CGAS: variants seen among roughly 807,000 people sequenced by gnomAD.
CGAS encodes the protein 2'3'-cGAMP synthase.
In CGAS, 31 loss-of-function variants were observed where a neutral mutation model predicts 34.0. The observed-to-expected ratio is 0.91, with a 90% CI of 0.69 to 1.23. The LOEUF (loss-of-function observed/expected upper bound fraction) is 1.23. Ranked by LOEUF, CGAS falls within the 50% of genes most tolerant of loss-of-function variation. CGAS has a pLI of 0.00. For missense variants in CGAS, 597 were observed against 657.6 expected (o/e 0.91, Z 1.01); for synonymous variants, 266 against 260.0 (o/e 1.02, Z -0.22).
In CGAS at chr6:73,435,867, C is replaced by G. The variant is rs184645479; in HGVS notation, c.1114+4342G>C. On this transcript the variant is annotated intron_variant, in intron 3 of 4. Transcript: ENST00000370315. ...GTATGTATATAAATTACTATATTATCTAATATTTATGTTCAATCTACCTTT... is the reference window on the plus strand; with the variant it reads ...GTATGTATATAAATTACTATATTATGTAATATTTATGTTCAATCTACCTTT... Among the ~76,000 whole-genome samples, 12 of 151,374 alleles carry G rather than the reference C, an allele frequency of 7.9e-5. No individual in the cohort carries two copies. In the East Asian group the frequency reaches 2.3e-3, roughly 29 times the overall value.
rs1184416207 is a variant in CGAS at position 73,451,573 on chromosome 6, G to A, written c.609C>T (p.Phe203=). 6.8e-6 allele frequency: 11 copies of A among 1,610,836 alleles called. No homozygotes were observed. Among genetic ancestry groups the A allele is most frequent in the Non-Finnish European group, 9.3e-6 (11 of 1,178,720 alleles). ...LLLRLKCDSA[F]RGVGLLNTGS... ...CGGTGTTCAGCAGCCCGACGCCTCTGAACGCGGAGTCGCACTTCAGTCTGA... is the reference window on the plus strand; with the variant it reads ...CGGTGTTCAGCAGCCCGACGCCTCTAAACGCGGAGTCGCACTTCAGTCTGA... The change falls in exon 1 of 5, where the codon TTC becomes TTT. Residue 203 remains phenylalanine (F), a synonymous_variant. Coordinates refer to ENST00000370315, the MANE Select transcript of CGAS (RefSeq NM_138441.3).
In CGAS at chr6:73,451,682, GC is replaced by G. The variant is rs1561932907; in HGVS notation, c.499del (p.Ala167ArgfsTer6). ...DAAPGASKLR[A>X]VLEKLKLSRD... ...GCTGAGCTTCAACTTCTCCAAAACCGCCCGGAGCTTCGAGGCCCCAGGCGCC... is the reference window on the plus strand; with the variant it reads ...GCTGAGCTTCAACTTCTCCAAAACCGCCGGAGCTTCGAGGCCCCAGGCGCC... On this transcript the variant is annotated frameshift_variant, in exon 1 of 5. Transcript: ENST00000370315. LOFTEE classifies it high-confidence loss of function. 1.9e-6 allele frequency: 3 copies of G among 1,613,832 alleles called. No individual in the cohort carries two copies. The highest frequency in any genetic ancestry group is 2.5e-6 in the Non-Finnish European group (3 of 1,180,022).
In CGAS at chr6:73,445,521, G is replaced by A. The variant is rs775720244; in HGVS notation, c.877+7C>T. 5.1e-6 allele frequency: 8 copies of A among 1,581,664 alleles called. No homozygotes were observed. Among genetic ancestry groups the A allele is most frequent in the Admixed American group, 1.8e-5 (1 of 56,732 alleles). On this transcript the variant is annotated splice_region_variant and intron_variant, in intron 2 of 4. Coordinates refer to ENST00000370315, the MANE Select transcript of CGAS (RefSeq NM_138441.3). ...AACCTTTAAGAATCAAAAGGCAAAAGTCTTACCTTTAATGTCGTTAATTTC... is the reference window on the plus strand; with the variant it reads ...AACCTTTAAGAATCAAAAGGCAAAAATCTTACCTTTAATGTCGTTAATTTC...
intron 1 of CGAS, among the ~76,000 whole-genome samples, chr6:73,448,119 C>T (rs1301868718): frequency 6.6e-6 from 1 of 152,140 alleles, no homozygotes; most frequent in Non-Finnish European, 1.5e-5. Context: ...TGGCCGGGCA[C>T]AGTGGCTCAC....
chr6:73,426,572 G>A (rs755287941), intron 4 of CGAS, among the ~76,000 whole-genome samples: 15 of 149,942 alleles, frequency 1.0e-4, no homozygotes, highest in Non-Finnish European at 1.5e-4. Context: ...AGGCTGGGAT[G>A]CAGTGATACA....
In CGAS at chr6:73,428,280, C is replaced by T. The variant is rs73450648; in HGVS notation, c.1217+429G>A. On this transcript the variant is annotated intron_variant, in intron 4 of 4. Transcript: ENST00000370315. The stretch of plus-strand genomic sequence containing the variant: ...TCAGTTTGGCCAATCAATCCCTAGC[C>T]GTCAACACAACCCAACTATCCCAAA... Among the ~76,000 whole-genome samples, 348 of 151,966 alleles carry T rather than the reference C, an allele frequency of 2.3e-3. 1 individual carries two copies. Among genetic ancestry groups the T allele is most frequent in the African/African-American group, 7.8e-3 (323 of 41,472 alleles).
chr6:73,430,992 C>T (rs1770186663), intron 3 of CGAS, among the ~76,000 whole-genome samples: 1 of 152,100 alleles, frequency 6.6e-6, no homozygotes, highest in African/African-American at 2.4e-5. Flanking sequence ...ATCCCAGCTA[C>T]TCAGGAGGCT....
chr6:73,427,049 A>T (rs918000627), intron 4 of CGAS, among the ~76,000 whole-genome samples: 1 of 151,338 alleles, frequency 6.6e-6, no homozygotes, highest in Admixed American at 6.6e-5. Flanking sequence ...GGGGTTTCAT[A>T]ACGTTGGCCA....
At chr6:73,435,299 C>T (rs916685208) in intron 3 of CGAS, among the ~76,000 whole-genome samples, 4 of 152,190 alleles carry the variant, frequency 2.6e-5, no homozygotes, top group African/African-American at 4.8e-5. Flanking sequence ...GATATCATTT[C>T]TTACTTTTTG....
At chr6:73,429,775 G>A (rs575030515) in intron 3 of CGAS, among the ~76,000 whole-genome samples, 14 of 151,996 alleles carry the variant, frequency 9.2e-5, no homozygotes, top group Non-Finnish European at 1.3e-4. Flanking sequence ...GCAGTGAGCG[G>A]AGATCGCGCC....
At position 73,425,028 on chromosome 6, in the gene CGAS, A is replaced by C; in HGVS notation, c.*199T>G. ...ATCACCATGCCCGGCTAATTTTTATATTTTTAGTAGAGATGGAGTTTCACC... is the reference window on the plus strand; with the variant it reads ...ATCACCATGCCCGGCTAATTTTTATCTTTTTAGTAGAGATGGAGTTTCACC... On this transcript the variant is annotated 3_prime_UTR_variant, in exon 5 of 5. Coordinates refer to ENST00000370315, the MANE Select transcript of CGAS (RefSeq NM_138441.3). The C allele has an allele frequency of 2.7e-6, 1 of 364,144 alleles. No individual in the cohort carries two copies. The highest frequency in any genetic ancestry group is 4.7e-5 in the Admixed American group (1 of 21,242). 22.6% of individuals were successfully genotyped at this position (364,144 alleles called of 1,614,324 possible). A position where few individuals can be genotyped will look rare whatever the true frequency, so the allele number is the denominator to read the frequency against.
chr6:73,442,760 G>A (rs1770404894), intron 2 of CGAS, among the ~76,000 whole-genome samples: 1 of 151,836 alleles, frequency 6.6e-6, no homozygotes, highest in African/African-American at 2.4e-5. Flanking sequence ...CACCACGCCT[G>A]GCTAATTTTT....
At chr6:73,425,752 A>T (rs1382191847) in intron 4 of CGAS, among the ~76,000 whole-genome samples, 174 bp from the exon 5 acceptor site, 2 of 152,144 alleles carry the variant, frequency 1.3e-5, no homozygotes, top group Non-Finnish European at 2.9e-5. Flanking sequence ...AGGCAGGGGG[A>T]TCACCTAAGA....
Position 73,443,000 on chromosome 6 carries a change from G to C in CGAS, c.877+2528C>G, listed in dbSNP as rs188535863. Among the ~76,000 whole-genome samples the C allele has an allele frequency of 9.3e-4, 141 of 151,940 alleles. 1 individual carries two copies. The highest frequency in any genetic ancestry group is 3.3e-3 in the African/African-American group (138 of 41,452). ...CTGCCTTGGCCTCCCAAAGTGCTGA[G>C]ACACCACAGTTAGCCCAGACAGAAC... On this transcript the variant is annotated intron_variant, in intron 2 of 4. Transcript: ENST00000370315.
intron 3 of CGAS, among the ~76,000 whole-genome samples, chr6:73,435,558 T>C (rs1012238412): frequency 6.6e-6 from 1 of 152,146 alleles, no homozygotes. Context: ...CGAAAATATC[T>C]TGTTAAATTA....
intron 3 of CGAS, among the ~76,000 whole-genome samples, chr6:73,434,811 A>G (rs1265480777): frequency 6.6e-6 from 1 of 151,726 alleles, no homozygotes; most frequent in African/African-American, 2.4e-5. Context: ...ACGCCTGGCT[A>G]ATTTTTGTAT....
At chr6:73,434,778 C>T (rs774676855) in intron 3 of CGAS, among the ~76,000 whole-genome samples, 3 of 151,952 alleles carry the variant, frequency 2.0e-5, no homozygotes, top group Non-Finnish European at 4.4e-5. Context: ...TCCTGAGTAG[C>T]TGGGACTAAG....
At chr6:73,435,768 G>A (rs935162821) in intron 3 of CGAS, among the ~76,000 whole-genome samples, 5 of 107,634 alleles carry the variant, frequency 4.6e-5, no homozygotes, top group Admixed American at 2.2e-4. Context: ...GCAAGACCCT[G>A]TGTCTACTTT....
At chr6:73,426,225 G>A (rs1770083817) in intron 4 of CGAS, among the ~76,000 whole-genome samples, 1 of 151,884 alleles carries the variant, frequency 6.6e-6, no homozygotes, top group Non-Finnish European at 1.5e-5. Context: ...AGAGGTTGCA[G>A]TGAGCCAAGA....
Sources: allele counts gnomAD v4.1 joint callset (sites outside exome capture counted in the v4.1 genomes callset), GRCh38; gene constraint gnomAD v4.1.1; transcripts MANE v1.5; gene names NCBI Gene and HGNC (gene_info 2026-07-23, HGNC 2026-07-21).